The following SIM1 variants were observed in gnomAD, a reference collection of about 807,000 sequenced individuals.
SIM1 encodes the protein single-minded homolog 1.
Under a neutral mutation model 78.2 loss-of-function variants are expected in SIM1, and 18 were observed. That is an observed-to-expected ratio of 0.23 (90% CI 0.16 to 0.34). SIM1 has a LOEUF of 0.34. SIM1 is among the 10% of genes least tolerant of loss of function. The pLI is 1.00. For synonymous variants in SIM1, 417 were observed against 385.2 expected, an observed-to-expected ratio of 1.08 and a Z score of -0.97; for missense variants, 939 against 975.1, an observed-to-expected ratio of 0.96 and a Z score of 0.49.
chr6:100,420,751 G>A (rs754017214), intron 10 of SIM1, 39 bp downstream of exon 10: 17 of 1,595,486 alleles, frequency 1.1e-5, no homozygotes, highest in Non-Finnish European at 1.1e-5. Flanking sequence ...AAACCATGTC[G>A]CCAAAAAAAA....
At chr6:100,416,036 A>G (rs1771391235) in intron 10 of SIM1, among the ~76,000 whole-genome samples, 1 of 152,162 alleles carries the variant, frequency 6.6e-6, no homozygotes, top group Non-Finnish European at 1.5e-5. Context: ...GAGCAGACAT[A>G]CAACTCTCCC....
In SIM1 at chr6:100,451,406, A is replaced by G. The variant is rs1044529045; in HGVS notation, c.259-1050T>C. On this transcript the variant is annotated intron_variant, in intron 3 of 11. Transcript: ENST00000369208. The stretch of plus-strand genomic sequence containing the variant: ...TTTGGTGTACTAGAGACTGCAGAGG[A>G]GCTAAACCTGCAATAGATTTTGGAG... Among the ~76,000 whole-genome samples the G allele has an allele frequency of 7.2e-5, 11 of 152,340 alleles. 1 individual carries two copies. The highest frequency in any genetic ancestry group is 6.8e-3 in the Middle Eastern group (2 of 294).
intron 10 of SIM1, among the ~76,000 whole-genome samples, chr6:100,408,795 T>C (rs1197985382): frequency 6.6e-6 from 1 of 152,094 alleles, no homozygotes; most frequent in Non-Finnish European, 1.5e-5. Flanking sequence ...TTCAATATGT[T>C]GTTCAATTTT....
rs949372373 is a variant in SIM1 at position 100,458,006 on chromosome 6, T to C, written c.176-4162A>G. ...GTCACACCGCTGTCTGTCTCTCTCT[T>C]TCTCTCTCTCTCTCTCTCTCTCTCT... On this transcript the variant is annotated intron_variant, in intron 2 of 11. Transcript: ENST00000369208. Among the ~76,000 whole-genome samples the C allele has an allele frequency of 2.3e-3, 211 of 90,288 alleles. 2 individuals carry two copies. Among genetic ancestry groups the C allele is most frequent in the Middle Eastern group, 5.5e-3 (1 of 182 alleles). 59.2% of individuals were successfully genotyped at this position (90,288 alleles called of 152,430 possible). A position where few individuals can be genotyped will look rare whatever the true frequency, so the allele number is the denominator to read the frequency against.
chr6:100,400,654 T>C (rs189871538), intron 10 of SIM1, among the ~76,000 whole-genome samples: 1 of 152,196 alleles, frequency 6.6e-6, no homozygotes, highest in African/African-American at 2.4e-5. Context: ...GAATTGCCTC[T>C]GGCCAAATAC....
chr6:100,453,895 C>T (rs766243850), intron 2 of SIM1, 51 bp from the exon 3 acceptor site: 1 of 1,414,202 alleles, frequency 7.1e-7, no homozygotes, highest in East Asian at 2.4e-5. Flanking sequence ...ACCTGACAGG[C>T]AGTTTGGGAC....
At chr6:100,437,841 G>A (rs990475782) in intron 9 of SIM1, among the ~76,000 whole-genome samples, 1 of 152,136 alleles carries the variant, frequency 6.6e-6, no homozygotes, top group Non-Finnish European at 1.5e-5. Flanking sequence ...TGTGGGACTG[G>A]GGAATGGAGA....
At chr6:100,451,044 C>G (rs1292028686) in intron 3 of SIM1, among the ~76,000 whole-genome samples, 1 of 152,208 alleles carries the variant, frequency 6.6e-6, no homozygotes, top group African/African-American at 2.4e-5. Context: ...TTCACTGTCT[C>G]TATCTCTGTG....
rs577280841 is a variant in SIM1, at chr6:100,418,109, G to A, written c.1167+2681C>T. On this transcript the variant is annotated intron_variant, in intron 10 of 11. Transcript: ENST00000369208. ...AAAAATGGGCACTTGGGAGGCTGAC[G>A]CAGGAGGATGGCTTGAAGCCAGGAG... Among the ~76,000 whole-genome samples the A allele has an allele frequency of 2.4e-4, 37 of 152,280 alleles. No homozygotes were observed. The South Asian group carries it at 2.7e-3, about 11-fold the overall frequency.
rs1476807175 is a variant in SIM1 at position 100,449,624 on chromosome 6, C to A, written c.424G>T (p.Ala142Ser). Reference sequence around the variant, plus strand: ...AAGTGAGAGTGGTAGGGTTGATGGGCGGTGAGCACCGCCGTCATCTCGTCG... The same window carrying A: ...AAGTGAGAGTGGTAGGGTTGATGGGAGGTGAGCACCGCCGTCATCTCGTCG... ...DHDEMTAVLTAHQPYHSHFVQ... is the reference protein window; with the variant it reads ...DHDEMTAVLTSHQPYHSHFVQ... The change falls in exon 5 of 12, where the codon GCC (alanine) becomes TCC (serine). Residue 142 changes from alanine (A) to serine (S), a missense_variant. By Grantham distance (99) the Ala-to-Ser change is moderately conservative (BLOSUM62 1). This residue lies in a region of SIM1 where 187 missense variants were observed against 191.6 expected (regional missense o/e 0.98). Transcript: ENST00000369208. The A allele has an allele frequency of 1.2e-6, 2 of 1,614,038 alleles. No homozygotes were observed. The highest frequency in any genetic ancestry group is 1.7e-6 in the Non-Finnish European group (2 of 1,179,970).
chr6:100,401,053 C>T lies in SIM1; in HGVS notation c.1168-7164G>A, dbSNP rs1338809775. 2.6e-5 allele frequency among the ~76,000 whole-genome samples: 4 copies of T among 152,006 alleles called. No homozygotes were observed. In the South Asian group the frequency reaches 8.3e-4, roughly 32 times the overall value. On this transcript the variant is annotated intron_variant, in intron 10 of 11. Coordinates refer to ENST00000369208, the MANE Select transcript of SIM1 (RefSeq NM_005068.3). ...GGTGATCAAAATTAATATCACCACC[C>T]AACTCAGAACAGATGGACATCATGT... is the stretch of plus-strand genomic sequence containing the variant.
At chr6:100,449,140 C>A (rs1172045322) in intron 6 of SIM1, among the ~76,000 whole-genome samples, 1 of 152,222 alleles carries the variant, frequency 6.6e-6, no homozygotes, top group African/African-American at 2.4e-5. Context: ...CCCCCGCGGC[C>A]ACCCAGTATT....
intron 7 of SIM1, 60 bp from the exon 8 acceptor site, chr6:100,448,312 C>T: frequency 1.4e-6 from 2 of 1,445,772 alleles, no homozygotes; most frequent in Non-Finnish European, 1.9e-6. Context: ...GCCCTCCCCA[C>T]ACACCCTCGA....
intron 10 of SIM1, among the ~76,000 whole-genome samples, chr6:100,414,568 T>C (rs1331570712): frequency 1.9e-4 from 29 of 152,190 alleles, no homozygotes; most frequent in Admixed American, 1.8e-3. Context: ...GAACAGGAAA[T>C]ACAAATAAAC....
In SIM1 at chr6:100,389,756, A is replaced by G; in HGVS notation, c.*605T>C. The G allele has an allele frequency of 2.5e-6, 1 of 399,036 alleles. No individual in the cohort carries two copies. The highest frequency in any genetic ancestry group is 4.4e-6 in the Non-Finnish European group (1 of 226,100). The allele number at this position is 399,036 out of a possible 1,614,324, so 24.7% of individuals were successfully genotyped here. A position where few individuals can be genotyped will look rare whatever the true frequency, so the allele number is the denominator to read the frequency against. On this transcript the variant is annotated 3_prime_UTR_variant, in exon 12 of 12. Coordinates refer to ENST00000369208, the MANE Select transcript of SIM1 (RefSeq NM_005068.3). ...TATAATGGATACCAGGTGAAAACTC[A>G]TTTTTGCACCATATCCAGAACCATT...
chr6:100,406,234 T>C (rs1771047893), intron 10 of SIM1, among the ~76,000 whole-genome samples: 1 of 152,172 alleles, frequency 6.6e-6, no homozygotes, highest in Non-Finnish European at 1.5e-5. Flanking sequence ...TTCAGGCATG[T>C]GCCAGAATCA....
At chr6:100,428,667 G>C (rs112016983) in intron 9 of SIM1, among the ~76,000 whole-genome samples, 4,623 of 144,176 alleles carry the variant, frequency 0.032, 192 homozygotes, top group African/African-American at 0.086. Context: ...ACTAGTCCCC[G>C]CCTTATCCGA....
At chr6:100,411,304 A>C (rs987398660) in intron 10 of SIM1, among the ~76,000 whole-genome samples, 16 of 152,246 alleles carry the variant, frequency 1.1e-4, no homozygotes, top group Admixed American at 3.3e-4. Context: ...TGGAGACGAC[A>C]GTGAGGACAT....
intron 9 of SIM1, among the ~76,000 whole-genome samples, chr6:100,437,906 T>A (rs1772098078): frequency 6.6e-6 from 1 of 152,122 alleles, no homozygotes; most frequent in African/African-American, 2.4e-5. Context: ...TAGTTTCCAG[T>A]CCTGATGAAA....
Sources: gnomAD v4.1 joint callset for allele counts (sites outside exome capture counted in the v4.1 genomes callset) on GRCh38, gnomAD v4.1.1 for gene constraint, gnomAD v4.1.1 regional missense constraint, MANE v1.5 for transcripts, NCBI Gene and HGNC (gene_info 2026-07-23, HGNC 2026-07-21) for gene names.